MUSK: variants seen among roughly 807,000 people sequenced by gnomAD.
The protein encoded by MUSK is muscle, skeletal receptor tyrosine-protein kinase.
A neutral mutation model predicts 88.7 loss-of-function variants in MUSK; 55 were observed. That is an observed-to-expected ratio of 0.62 (90% CI 0.50 to 0.78). The LOEUF (loss-of-function observed/expected upper bound fraction) is 0.78. Ranked by LOEUF, MUSK falls within the 30% of genes least tolerant of loss-of-function variation. The pLI, the probability that MUSK is intolerant of heterozygous loss-of-function variation, is 0.00. For synonymous variants in MUSK, 387 were observed against 391.9 expected, an observed-to-expected ratio of 0.99 and a Z score of 0.15; for missense variants, 1,015 against 1,074.3, an observed-to-expected ratio of 0.94 and a Z score of 0.77.
intron 11 of MUSK, among the ~76,000 whole-genome samples, chr9:110,777,959 G>A (rs1443583677): frequency 6.6e-6 from 1 of 152,084 alleles, no homozygotes. Context: ...CTTGAGTTAA[G>A]GCAATTATTA....
At chr9:110,690,137 T>TAAAAATATATATTTA (rs1338202417) in intron 3 of MUSK, among the ~76,000 whole-genome samples, 1 of 101,800 alleles carries the variant, frequency 9.8e-6, no homozygotes, top group Admixed American at 1.5e-4. Context: ...AGTATAAATA[T>TAAAAATATATATTTA]AGAAATATAT....
chr9:110,700,983 T>C (rs1457916262), intron 5 of MUSK, among the ~76,000 whole-genome samples: 1 of 152,222 alleles, frequency 6.6e-6, no homozygotes, highest in Non-Finnish European at 1.5e-5. Context: ...AGGGAAGTTT[T>C]CAGTATAAAT....
chr9:110,776,030 G>A, intron 10 of MUSK, 67 bp downstream of exon 10: 4 of 1,486,394 alleles, frequency 2.7e-6, no homozygotes, highest in Non-Finnish European at 3.6e-6. Flanking sequence ...AAACTAAGGT[G>A]TGAACTTAAA....
rs1170678256 is a variant in MUSK at position 110,801,319 on chromosome 9, C to T, written c.*331C>T. 1 of 196,472 alleles carries T rather than the reference C, an allele frequency of 5.1e-6. No homozygotes were observed. Among genetic ancestry groups the T allele is most frequent in the African/African-American group, 2.3e-5 (1 of 43,146 alleles). The allele number at this position is 196,472 out of a possible 1,614,324, so 12.2% of individuals were successfully genotyped here. ...AAGTAGCTGGTCACAGAGTAAAGCT[C>T]TGCTGTATTAAATTTTAATATGAAA... On this transcript the variant is annotated 3_prime_UTR_variant, in exon 15 of 15. Coordinates refer to ENST00000374448, the MANE Select transcript of MUSK (RefSeq NM_005592.4).
At position 110,687,140 on chromosome 9, in the gene MUSK, T is replaced by C. The variant is rs547322569; in HGVS notation, c.230T>C (p.Ile77Thr). 34 of 1,613,608 alleles carry C rather than the reference T, an allele frequency of 2.1e-5. 1 individual carries two copies. The South Asian group carries it at 3.5e-4, about 17-fold the overall frequency. The part of the protein sequence containing the change: ...LIKLFDTRYS[I>T]RENGQLLTIL... ...AGACTCTTTGACACCCGGTACAGCA[T>C]CCGGGAGAATGGGCAGCTCCTCACC... is the stretch of plus-strand genomic sequence containing the variant. Residue 77 changes from isoleucine to threonine, a missense_variant, in exon 3 of 15, where the codon ATC becomes ACC. Physicochemically the swap from Ile to Thr is moderately conservative, Grantham distance 89 (BLOSUM62 -1). Coordinates refer to ENST00000374448, the MANE Select transcript of MUSK (RefSeq NM_005592.4).
At chr9:110,748,375 G>C (rs1159001958) in intron 7 of MUSK, among the ~76,000 whole-genome samples, 2 of 152,124 alleles carry the variant, frequency 1.3e-5, no homozygotes, top group African/African-American at 2.4e-5. Context: ...ATTTTTACCT[G>C]TGAGCATGAT....
rs183487655 is a variant in MUSK, at chr9:110,724,001, G to A, written c.629-10250G>A. Among the ~76,000 whole-genome samples, 142 of 151,988 alleles carry A rather than the reference G, an allele frequency of 9.3e-4. 1 individual carries two copies. The highest frequency in any genetic ancestry group is 3.0e-3 in the African/African-American group (126 of 41,490). ...GTCCATCTTTCTCTCTGGCCTCAGGGCTGTATGATGGCTTAAGTGCCATCT... is the reference window on the plus strand; with the variant it reads ...GTCCATCTTTCTCTCTGGCCTCAGGACTGTATGATGGCTTAAGTGCCATCT... On this transcript the variant is annotated intron_variant, in intron 5 of 14. Coordinates refer to ENST00000374448, the MANE Select transcript of MUSK (RefSeq NM_005592.4).
Position 110,682,750 on chromosome 9 carries a change from A to G in MUSK, c.156A>G (p.Glu52=). The stretch of plus-strand genomic sequence containing the variant: ...TGGCTACTTTCATGTGTGCAGTGGA[A>G]TCCTACCCCCAGCCTGAGATTTCCT... ...EEVATFMCAV[E]SYPQPEISWT... is the part of the protein sequence containing the mutation. Residue 52 remains glutamate (E), a synonymous_variant, in exon 2 of 15, where the codon GAA becomes GAG. Coordinates refer to ENST00000374448, the MANE Select transcript of MUSK (RefSeq NM_005592.4). 6.2e-7 allele frequency: 1 copy of G among 1,612,860 alleles called. No individual in the cohort carries two copies. The highest frequency in any genetic ancestry group is 8.5e-7 in the Non-Finnish European group (1 of 1,179,090).
intron 3 of MUSK, among the ~76,000 whole-genome samples, chr9:110,687,846 C>A (rs945046174): frequency 2.0e-5 from 3 of 152,102 alleles, no homozygotes; most frequent in African/African-American, 7.2e-5. Context: ...CTTCTTCCAC[C>A]CTGAATTCTT....
chr9:110,712,159 G>GAAAAAAAAAA (rs35254603), intron 5 of MUSK, among the ~76,000 whole-genome samples: 1 of 141,828 alleles, frequency 7.1e-6, no homozygotes, highest in Non-Finnish European at 1.5e-5. Context: ...TGTTTATTCT[G>GAAAAAAAAAA]AAAAAAAAAA....
At chr9:110,743,888 TA>T (rs1193286507) in intron 6 of MUSK, among the ~76,000 whole-genome samples, 2 of 152,180 alleles carry the variant, frequency 1.3e-5, no homozygotes, top group Non-Finnish European at 2.9e-5. Flanking sequence ...CTTGGTTTAT[TA>T]TCCCTTTTTC....
chr9:110,785,438 A>T (rs1316013183), intron 12 of MUSK, 89 bp from the exon 13 acceptor site: 2 of 1,133,136 alleles, frequency 1.8e-6, no homozygotes, highest in Admixed American at 2.5e-5. Flanking sequence ...CATTACTCTT[A>T]AATGCCATAT....
chr9:110,732,592 T>C (rs372361511), intron 5 of MUSK, among the ~76,000 whole-genome samples: 21 of 152,228 alleles, frequency 1.4e-4, no homozygotes, highest in Admixed American at 3.3e-4. Context: ...TTGAATTGCA[T>C]CTCCATAGTG....
At position 110,717,125 on chromosome 9, in the gene MUSK, CTAT is replaced by C. The variant is rs980396083; in HGVS notation, c.629-17121_629-17119del. Reference sequence around the variant, plus strand: ...TTGTATTTATTCTGAAAATTTATTTCTATTATTCTTTAGACGATTTCTATCATG... The same window carrying C: ...TTGTATTTATTCTGAAAATTTATTTCTATTCTTTAGACGATTTCTATCATG... On this transcript the variant is annotated intron_variant, in intron 5 of 14. Transcript: ENST00000374448. Among the ~76,000 whole-genome samples the C allele has an allele frequency of 1.8e-4, 27 of 149,292 alleles. 1 individual carries two copies. Among genetic ancestry groups the C allele is most frequent in the African/African-American group, 6.9e-4 (27 of 39,310 alleles).
At chr9:110,789,830 T>A (rs572855706) in intron 14 of MUSK, among the ~76,000 whole-genome samples, 13 of 152,142 alleles carry the variant, frequency 8.5e-5, no homozygotes, top group African/African-American at 2.9e-4. Context: ...ATCCACATGA[T>A]CCACATGAAG....
At chr9:110,729,044 C>G (rs904200340) in intron 5 of MUSK, among the ~76,000 whole-genome samples, 1 of 151,180 alleles carries the variant, frequency 6.6e-6, no homozygotes, top group Non-Finnish European at 1.5e-5. Context: ...AGAAAGATAC[C>G]CTTTGACTAA....
At chr9:110,673,452 T>C (rs931238789) in intron 1 of MUSK, among the ~76,000 whole-genome samples, 3 of 152,218 alleles carry the variant, frequency 2.0e-5, no homozygotes, top group African/African-American at 7.2e-5. Context: ...GTATAATGCA[T>C]GGCACATACC....
intron 9 of MUSK, 78 bp from the exon 10 acceptor site, chr9:110,775,710 A>T: frequency 7.4e-7 from 1 of 1,359,160 alleles, no homozygotes; most frequent in Admixed American, 1.7e-5. Context: ...TCTTGAAAAC[A>T]CAGAATTTAG....
chr9:110,776,088 C>A, intron 10 of MUSK, 125 bp downstream of exon 10: 1 of 942,318 alleles, frequency 1.1e-6, no homozygotes, highest in Non-Finnish European at 1.6e-6. Context: ...TTGAGTTCTG[C>A]CTTCCTTAGA....
Sources: gnomAD v4.1 joint callset for allele counts (sites outside exome capture counted in the v4.1 genomes callset) on GRCh38, gnomAD v4.1.1 for gene constraint, MANE v1.5 for transcripts, NCBI Gene and HGNC (gene_info 2026-07-23, HGNC 2026-07-21) for gene names.